BRINP3: variants seen among roughly 807,000 people sequenced by gnomAD.
The protein encoded by BRINP3 is BMP/retinoic acid-inducible neural-specific protein 3.
In BRINP3, 19 loss-of-function variants were observed where a neutral mutation model predicts 71.0. That is an observed-to-expected ratio of 0.27 (90% CI 0.19 to 0.39). The LOEUF (loss-of-function observed/expected upper bound fraction) is 0.39, where lower values mean the gene tolerates loss of function less well. Among genes scored for constraint, BRINP3 ranks in the 10% least tolerant of loss-of-function variants. BRINP3 has a pLI of 1.00. For synonymous variants in BRINP3, 380 were observed against 337.7 expected (o/e 1.13, Z -1.37); for missense variants, 959 against 940.8 (o/e 1.02, Z -0.25).
intron 2 of BRINP3, among the ~76,000 whole-genome samples, chr1:190,367,361 C>T (rs754178169): frequency 3.3e-5 from 5 of 152,204 alleles, no homozygotes; most frequent in Non-Finnish European, 7.4e-5. Flanking sequence ...GGATGCAGGA[C>T]ACCATGTCCC....
Position 190,113,911 on chromosome 1 carries a change from T to A in BRINP3, c.1185-14777A>T, listed in dbSNP as rs151162102. Among the ~76,000 whole-genome samples the A allele has an allele frequency of 6.1e-4, 93 of 152,320 alleles. 1 individual carries two copies. The highest frequency in any genetic ancestry group is 6.0e-3 in the South Asian group (29 of 4,826). On this transcript the variant is annotated intron_variant, in intron 7 of 7. Coordinates refer to ENST00000367462, the MANE Select transcript of BRINP3 (RefSeq NM_199051.3). Reference sequence around the variant, plus strand: ...AAACTAGGTTTTACCAGAATATCTTTAAATTTCTTTCCAGCTTCAACAGTC... The same window carrying A: ...AAACTAGGTTTTACCAGAATATCTTAAAATTTCTTTCCAGCTTCAACAGTC...
chr1:190,456,468 A>T (rs1292772159), intron 1 of BRINP3, among the ~76,000 whole-genome samples: 1 of 152,140 alleles, frequency 6.6e-6, no homozygotes, highest in African/African-American at 2.4e-5. Context: ...AGAATTTTGG[A>T]ATAGGAGCTT....
At chr1:190,255,252 GT>G (rs1050568243) in intron 4 of BRINP3, among the ~76,000 whole-genome samples, 5 of 89,154 alleles carry the variant, frequency 5.6e-5, no homozygotes, top group Non-Finnish European at 1.2e-4. Context: ...TTTTTTTTTT[GT>G]TGTGTCTCTG....
At chr1:190,163,269 AAAAT>A (rs1651178931) in intron 6 of BRINP3, among the ~76,000 whole-genome samples, 1 of 152,112 alleles carries the variant, frequency 6.6e-6, no homozygotes, top group African/African-American at 2.4e-5. Flanking sequence ...AGCTATGTAA[AAAAT>A]AAAGTATTAT....
At chr1:190,378,061 G>A (rs1222904398) in intron 2 of BRINP3, among the ~76,000 whole-genome samples, 1 of 152,034 alleles carries the variant, frequency 6.6e-6, no homozygotes, top group Non-Finnish European at 1.5e-5. Context: ...ACGGAATACT[G>A]AAGCAATCTT....
intron 2 of BRINP3, among the ~76,000 whole-genome samples, chr1:190,406,842 T>C (rs1211019945): frequency 2.0e-5 from 3 of 152,220 alleles, no homozygotes; most frequent in African/African-American, 4.8e-5. Context: ...TATAACTAAT[T>C]CACTTCATTT....
At chr1:190,326,831 G>A (rs892373760) in intron 2 of BRINP3, among the ~76,000 whole-genome samples, 4 of 151,918 alleles carry the variant, frequency 2.6e-5, no homozygotes, top group African/African-American at 7.3e-5. Context: ...AAGAATGATA[G>A]CCACTACTGC....
intron 6 of BRINP3, among the ~76,000 whole-genome samples, chr1:190,184,606 T>C (rs549984619): frequency 3.3e-5 from 5 of 152,214 alleles, no homozygotes; most frequent in African/African-American, 7.2e-5. Flanking sequence ...TGGAGGCCAA[T>C]ACCCTAAGCA....
At chr1:190,222,512 C>A (rs1018710660) in intron 6 of BRINP3, among the ~76,000 whole-genome samples, 1 of 151,492 alleles carries the variant, frequency 6.6e-6, no homozygotes, top group African/African-American at 2.4e-5. Context: ...AAGAATAAAC[C>A]AAACCCCAAA....
chr1:190,127,011 C>T (rs1422412690), intron 7 of BRINP3, among the ~76,000 whole-genome samples: 1 of 151,912 alleles, frequency 6.6e-6, no homozygotes, highest in African/African-American at 2.4e-5. Context: ...AATTTGATCA[C>T]AAACAGTATT....
At chr1:190,395,894 G>T (rs1432464750) in intron 2 of BRINP3, among the ~76,000 whole-genome samples, 1 of 151,716 alleles carries the variant, frequency 6.6e-6, no homozygotes, top group Non-Finnish European at 1.5e-5. Context: ...CAAAGCCACA[G>T]TATGTCCCTT....
intron 4 of BRINP3, among the ~76,000 whole-genome samples, chr1:190,239,952 A>G (rs529186098): frequency 6.6e-6 from 1 of 151,892 alleles, no homozygotes; most frequent in East Asian, 1.9e-4. Flanking sequence ...TTAAAATCCA[A>G]TACAATCTAT....
At chr1:190,322,167 G>A (rs1666288321) in intron 2 of BRINP3, among the ~76,000 whole-genome samples, 2 of 151,880 alleles carry the variant, frequency 1.3e-5, no homozygotes, top group African/African-American at 4.8e-5. Context: ...GAAGAATATG[G>A]TATTTCCAGT....
At chr1:190,149,966 AT>A (rs1376940949) in intron 7 of BRINP3, among the ~76,000 whole-genome samples, 1 of 151,842 alleles carries the variant, frequency 6.6e-6, no homozygotes, top group Non-Finnish European at 1.5e-5. Context: ...GAGATAGGAG[AT>A]TTTTATTTCA....
At chr1:190,372,092 G>A (rs961786392) in intron 2 of BRINP3, among the ~76,000 whole-genome samples, 1 of 152,172 alleles carries the variant, frequency 6.6e-6, no homozygotes, top group Non-Finnish European at 1.5e-5. Flanking sequence ...GGCACAGTGG[G>A]AAGAGGTGAA....
chr1:190,098,617 C>A lies in BRINP3; in HGVS notation c.1702G>T (p.Val568Leu), dbSNP rs749849869. Residue 568 changes from valine (V) to leucine (L), a missense_variant, in exon 8 of 8, where the codon GTG becomes TTG. Transcript: ENST00000367462. ...CLTKNSTLEPVLAVYVNPFGG... is the reference protein window; with the variant it reads ...CLTKNSTLEPLLAVYVNPFGG... ...AAGGGATTGACATAAACAGCCAACA[C>A]TGGCTCCAAGGTGCTGTTTTTAGTT... 10 of 1,614,054 alleles carry A rather than the reference C, an allele frequency of 6.2e-6. No individual in the cohort carries two copies. In the African/African-American group the frequency reaches 1.1e-4, roughly 17 times the overall value.
At chr1:190,298,539 A>G (rs577746291) in intron 2 of BRINP3, among the ~76,000 whole-genome samples, 2 of 151,084 alleles carry the variant, frequency 1.3e-5, no homozygotes, top group East Asian at 3.9e-4. Context: ...ATTTTTACTC[A>G]TTTCTGGGTT....
At chr1:190,295,671 G>A (rs1664192796) in intron 2 of BRINP3, among the ~76,000 whole-genome samples, 1 of 152,114 alleles carries the variant, frequency 6.6e-6, no homozygotes, top group Non-Finnish European at 1.5e-5. Flanking sequence ...GTGGGCGCCA[G>A]TCTAGAATCA....
intron 2 of BRINP3, chr1:190,302,900 A>G (rs2103002774): frequency 6.6e-6 from 1 of 151,928 alleles, no homozygotes; most frequent in Non-Finnish European, 1.5e-5. Flanking sequence ...GTTATAAAAC[A>G]TAATTAATGA....
Sources: allele counts gnomAD v4.1 joint callset (sites outside exome capture counted in the v4.1 genomes callset), GRCh38; gene constraint gnomAD v4.1.1; transcripts MANE v1.5; gene names NCBI Gene and HGNC (gene_info 2026-07-23, HGNC 2026-07-21).